The following NELL1 variants were observed in gnomAD, a reference collection of about 807,000 sequenced individuals.
NELL1 encodes the protein protein kinase C-binding protein NELL1.
NELL1 carries 76 observed loss-of-function variants against 107.4 expected under a neutral mutation model. The ratio of observed to expected loss-of-function variants is 0.71; its 90% CI spans 0.59 to 0.86. NELL1 has a LOEUF of 0.86. NELL1 is among the 40% of genes least tolerant of loss of function. The pLI, the probability that NELL1 is intolerant of heterozygous loss-of-function variation, is 0.00. For missense variants in NELL1, 1,024 were observed against 1,005.5 expected, an observed-to-expected ratio of 1.02 and a Z score of -0.25; for synonymous variants, 353 against 341.2, an observed-to-expected ratio of 1.03 and a Z score of -0.38.
chr11:21,421,112 T>C (rs1852657088), intron 15 of NELL1, among the ~76,000 whole-genome samples: 1 of 152,048 alleles, frequency 6.6e-6, no homozygotes, highest in East Asian at 1.9e-4. Context: ...AATAACAGGA[T>C]GTCATGAAAA....
At chr11:21,285,330 T>C (rs991869630) in intron 14 of NELL1, among the ~76,000 whole-genome samples, 1 of 152,202 alleles carries the variant, frequency 6.6e-6, no homozygotes, top group Admixed American at 6.5e-5. Flanking sequence ...CTCTTTATCT[T>C]GGTCATTAAC....
intron 2 of NELL1, among the ~76,000 whole-genome samples, chr11:20,723,574 G>T (rs1157110812): frequency 6.6e-6 from 1 of 152,176 alleles, no homozygotes; most frequent in Non-Finnish European, 1.5e-5. Context: ...GCTCTGGAGG[G>T]TACAGCCCCC....
chr11:20,719,721 T>G (rs890626856), intron 2 of NELL1, among the ~76,000 whole-genome samples: 3 of 152,368 alleles, frequency 2.0e-5, no homozygotes, highest in Admixed American at 6.5e-5. Flanking sequence ...TTTTATTTCC[T>G]AAACAATCAT....
intron 14 of NELL1, among the ~76,000 whole-genome samples, chr11:21,232,165 T>A (rs867449652): frequency 0.013 from 795 of 61,508 alleles, 7 homozygotes; most frequent in Non-Finnish European, 0.02. Context: ...AAAAAATATA[T>A]ATATATATAT....
rs78563577 is a variant in NELL1 at position 20,969,717 on chromosome 11, G to C, written c.1300+9157G>C. On this transcript the variant is annotated intron_variant, in intron 12 of 19. Coordinates refer to ENST00000357134, the MANE Select transcript of NELL1 (RefSeq NM_006157.5). ...GGACAAGAAGATTTTGATGGATCCT[G>C]ACTCTATCATTTAGCAGCCGGGTAA... 5.7e-3 allele frequency among the ~76,000 whole-genome samples: 862 copies of C among 152,062 alleles called. 12 individuals carry two copies. The highest frequency in any genetic ancestry group is 0.02 in the African/African-American group (818 of 41,478).
At chr11:21,382,845 G>A (rs1349928148) in intron 15 of NELL1, among the ~76,000 whole-genome samples, 1 of 151,920 alleles carries the variant, frequency 6.6e-6, no homozygotes, top group African/African-American at 2.4e-5. Context: ...CTACTGAACT[G>A]TGAAAGTCAA....
At chr11:20,715,924 C>A (rs1855239964) in intron 2 of NELL1, among the ~76,000 whole-genome samples, 1 of 152,194 alleles carries the variant, frequency 6.6e-6, no homozygotes, top group African/African-American at 2.4e-5. Context: ...TCTGTATTGA[C>A]TACACTGTCT....
intron 3 of NELL1, among the ~76,000 whole-genome samples, chr11:20,805,548 C>T (rs1474453182): frequency 6.6e-6 from 1 of 152,132 alleles, no homozygotes; most frequent in African/African-American, 2.4e-5. Context: ...GAGATGGAGT[C>T]TCGCTCTATT....
intron 16 of NELL1, among the ~76,000 whole-genome samples, chr11:21,556,289 A>C (rs1237969296): frequency 1.3e-5 from 2 of 151,910 alleles, no homozygotes; most frequent in Non-Finnish European, 2.9e-5. Context: ...ACCTGTTTTG[A>C]GTTTGAAAAT....
At chr11:21,089,606 C>CA (rs200464463) in intron 12 of NELL1, among the ~76,000 whole-genome samples, 1,756 of 152,206 alleles carry the variant, frequency 0.012, 32 homozygotes, top group African/African-American at 0.04. Flanking sequence ...AAACTTGTGG[C>CA]AAGGTAATCC....
chr11:20,981,431 T>A (rs897804022), intron 12 of NELL1, among the ~76,000 whole-genome samples: 2 of 152,062 alleles, frequency 1.3e-5, no homozygotes, highest in African/African-American at 2.4e-5. Flanking sequence ...CAAAATACAT[T>A]TGAAAAGTTG....
intron 9 of NELL1, among the ~76,000 whole-genome samples, chr11:20,929,983 A>G (rs1276141333): frequency 2.4e-5 from 2 of 81,638 alleles, no homozygotes; most frequent in African/African-American, 1.2e-4. Flanking sequence ...AAAAAAAAAG[A>G]AAAAAAAAAA....
At chr11:20,789,517 C>T (rs1392004640) in intron 3 of NELL1, among the ~76,000 whole-genome samples, 1 of 152,184 alleles carries the variant, frequency 6.6e-6, no homozygotes, top group African/African-American at 2.4e-5. Flanking sequence ...TCTGTGCTCC[C>T]CAAAGGGCTG....
chr11:21,150,835 A>T (rs2133786194), intron 13 of NELL1, among the ~76,000 whole-genome samples: 1 of 152,270 alleles, frequency 6.6e-6, no homozygotes, highest in South Asian at 2.1e-4. Flanking sequence ...AAGGAGGTTT[A>T]ATCAACTCAC....
At chr11:20,876,821 C>T (rs1362240865) in intron 4 of NELL1, among the ~76,000 whole-genome samples, 1 of 152,094 alleles carries the variant, frequency 6.6e-6, no homozygotes, top group Non-Finnish European at 1.5e-5. Flanking sequence ...TCAGTGTACA[C>T]AATTGGCAAA....
intron 14 of NELL1, among the ~76,000 whole-genome samples, chr11:21,251,129 G>A (rs894232032): frequency 6.6e-6 from 1 of 152,100 alleles, no homozygotes; most frequent in Non-Finnish European, 1.5e-5. Flanking sequence ...GAGATATACT[G>A]AGACTTTAAG....
At chr11:21,298,347 T>C (rs1341327178) in intron 14 of NELL1, among the ~76,000 whole-genome samples, 3 of 151,966 alleles carry the variant, frequency 2.0e-5, no homozygotes, top group Admixed American at 6.6e-5. Flanking sequence ...GTTTTATCAA[T>C]TTGTTATTTT....
At chr11:21,330,954 C>G (rs1045053854) in intron 14 of NELL1, among the ~76,000 whole-genome samples, 10 of 151,998 alleles carry the variant, frequency 6.6e-5, no homozygotes, top group African/African-American at 2.4e-4. Flanking sequence ...ATTCGTCTGT[C>G]TCCAGGTTAG....
At chr11:20,743,642 C>G (rs1855940938) in intron 2 of NELL1, among the ~76,000 whole-genome samples, 1 of 152,150 alleles carries the variant, frequency 6.6e-6, no homozygotes, top group Admixed American at 6.6e-5. Flanking sequence ...CCCACAGACC[C>G]TTATTTCCCT....
Sources: allele counts gnomAD v4.1 joint callset (sites outside exome capture counted in the v4.1 genomes callset), GRCh38; gene constraint gnomAD v4.1.1; transcripts MANE v1.5; gene names NCBI Gene and HGNC (gene_info 2026-07-23, HGNC 2026-07-21).